The following LAMTOR3 variants were observed in gnomAD, a reference collection of about 807,000 sequenced individuals.
LAMTOR3 encodes ragulator complex protein LAMTOR3.
A neutral mutation model predicts 20.3 loss-of-function variants in LAMTOR3; 14 were observed. The observed-to-expected ratio is 0.69, with a 90% CI of 0.46 to 1.08. The LOEUF (loss-of-function observed/expected upper bound fraction) is 1.08. LAMTOR3 is among the 50% of genes least tolerant of loss of function. The pLI, the probability that LAMTOR3 is intolerant of heterozygous loss-of-function variation, is 0.00. For missense variants in LAMTOR3, 125 were observed against 143.7 expected (o/e 0.87, Z 0.67); for synonymous variants, 40 against 49.4 (o/e 0.81, Z 0.80).
rs1413008104 is a variant in LAMTOR3 at position 99,881,311 on chromosome 4, T to C, written c.*683A>G. The C allele has an allele frequency of 6.6e-6, 1 of 152,224 alleles. No homozygotes were observed. Among genetic ancestry groups the C allele is most frequent in the East Asian group, 1.9e-4 (1 of 5,202 alleles). 9.4% of individuals were successfully genotyped at this position (152,224 alleles called of 1,614,324 possible). ...TTGGAAACAGAATAACGAATTGTAT[T>C]TAAATTTTATGAAGAACACACAAAC... On this transcript the variant is annotated 3_prime_UTR_variant, in exon 7 of 7. Transcript: ENST00000499666.
rs79553911 is a variant in LAMTOR3, at chr4:99,883,863, T to C, written c.301+199A>G. Among the ~76,000 whole-genome samples, 91 of 151,892 alleles carry C rather than the reference T, an allele frequency of 6.0e-4. No homozygotes were observed. In the East Asian group the frequency reaches 8.5e-3, roughly 14 times the overall value. ...ATTGTAAGATGGAGAAAGCATATAT[T>C]ATCTCCATTATACAGATATGGAAAC... On this transcript the variant is annotated intron_variant, in intron 6 of 6. Coordinates refer to ENST00000499666, the MANE Select transcript of LAMTOR3 (RefSeq NM_021970.4).
chr4:99,892,162 C>G (rs542236608), intron 2 of LAMTOR3, 128 bp from the exon 3 acceptor site: 936 of 1,385,660 alleles, frequency 6.8e-4, no homozygotes, highest in Non-Finnish European at 8.2e-4. Flanking sequence ...TTTTATCTTT[C>G]TCTGTCTGAT....
chr4:99,884,115 A>T lies in LAMTOR3; in HGVS notation c.248T>A (p.Phe83Tyr). ...ACTCACCACCAAAGGTAAACGATTA[A>T]ATTGAACCACCTAAAAAGAAAATAA... Reference protein sequence around the residue: ...CYYNTYQVVQFNRLPLVVSFI... With the variant: ...CYYNTYQVVQYNRLPLVVSFI... Residue 83 changes from phenylalanine (F) to tyrosine (Y), a missense_variant, in exon 6 of 7, where the codon TTT becomes TAT. Physicochemically the swap from Phe to Tyr is conservative, Grantham distance 22. Coordinates refer to ENST00000499666, the MANE Select transcript of LAMTOR3 (RefSeq NM_021970.4). 1 of 1,612,064 alleles carries T rather than the reference A, an allele frequency of 6.2e-7. No individual in the cohort carries two copies. Among genetic ancestry groups the T allele is most frequent in the African/African-American group, 1.3e-5 (1 of 74,978 alleles).
chr4:99,890,859 T>C (rs1725009325), intron 3 of LAMTOR3, among the ~76,000 whole-genome samples: 1 of 152,234 alleles, frequency 6.6e-6, no homozygotes, highest in Non-Finnish European at 1.5e-5. Flanking sequence ...TAAATACTTT[T>C]GGTATTATTC....
Position 99,881,341 on chromosome 4 carries a change from A to C in LAMTOR3, c.*653T>G, listed in dbSNP as rs955803233. On this transcript the variant is annotated 3_prime_UTR_variant, in exon 7 of 7. Coordinates refer to ENST00000499666, the MANE Select transcript of LAMTOR3 (RefSeq NM_021970.4). Reference sequence around the variant, plus strand: ...TTTTATGAAGAACACACAAACATTAAAACACTGATTGGTTACAGAAAGCAG... The same window carrying C: ...TTTTATGAAGAACACACAAACATTACAACACTGATTGGTTACAGAAAGCAG... 7.9e-5 allele frequency: 12 copies of C among 152,230 alleles called. No homozygotes were observed. Among genetic ancestry groups the C allele is most frequent in the African/African-American group, 2.9e-4 (12 of 41,454 alleles). 9.4% of individuals were successfully genotyped at this position (152,230 alleles called of 1,614,324 possible). A position where few individuals can be genotyped will look rare whatever the true frequency, so the allele number is the denominator to read the frequency against.
chr4:99,888,108 C>T (rs911640939), intron 3 of LAMTOR3, among the ~76,000 whole-genome samples: 1 of 152,216 alleles, frequency 6.6e-6, no homozygotes, highest in Non-Finnish European at 1.5e-5. Flanking sequence ...GCAGAACGGT[C>T]AAGCTATAGC....
rs193140284 is a variant in LAMTOR3, at chr4:99,882,674, T to C, written c.302-607A>G. 5.4e-3 allele frequency among the ~76,000 whole-genome samples: 823 copies of C among 152,160 alleles called. 6 individuals carry two copies. The highest frequency in any genetic ancestry group is 8.2e-3 in the Non-Finnish European group (557 of 67,886). On this transcript the variant is annotated intron_variant, in intron 6 of 6. Transcript: ENST00000499666. The stretch of plus-strand genomic sequence containing the variant: ...ACTAAATAAAGCATACTTTTGTCTC[T>C]AAGCAAATTTTAACAGATTATATCA...
At chr4:99,891,666 G>C (rs538388053) in intron 3 of LAMTOR3, among the ~76,000 whole-genome samples, 1 of 152,092 alleles carries the variant, frequency 6.6e-6, no homozygotes, top group Non-Finnish European at 1.5e-5. Context: ...ACGAAATACA[G>C]CAAAGAAATG....
intron 3 of LAMTOR3, among the ~76,000 whole-genome samples, chr4:99,891,144 T>A (rs1725014730): frequency 6.6e-6 from 1 of 152,172 alleles, no homozygotes; most frequent in Non-Finnish European, 1.5e-5. Context: ...GGACTGTAAA[T>A]CACTAAGACT....
chr4:99,881,700 A>T lies in LAMTOR3; in HGVS notation c.*294T>A, dbSNP rs1724830259. 1 of 314,264 alleles carries T rather than the reference A, an allele frequency of 3.2e-6. No homozygotes were observed. Among genetic ancestry groups the T allele is most frequent in the Non-Finnish European group, 5.8e-6 (1 of 171,624 alleles). 19.5% of individuals were successfully genotyped at this position (314,264 alleles called of 1,614,324 possible). ...GTACCAGTTTGATTCTGATCCACTG[A>T]ATAGAATCTCTCATCCATATCTGGT... On this transcript the variant is annotated 3_prime_UTR_variant, in exon 7 of 7. Transcript: ENST00000499666.
chr4:99,889,224 T>C (rs1383124238), intron 3 of LAMTOR3, among the ~76,000 whole-genome samples: 1 of 152,082 alleles, frequency 6.6e-6, no homozygotes, highest in Non-Finnish European at 1.5e-5. Context: ...GATTAATACA[T>C]AAAATAAATA....
intron 5 of LAMTOR3, among the ~76,000 whole-genome samples, chr4:99,884,674 T>C (rs1246968573): frequency 6.6e-6 from 1 of 152,100 alleles, no homozygotes; most frequent in Non-Finnish European, 1.5e-5. Context: ...ACTTTTAAAA[T>C]AAAAGATGGG....
At chr4:99,884,860 G>A (rs1340777400) in intron 5 of LAMTOR3, among the ~76,000 whole-genome samples, 1 of 152,060 alleles carries the variant, frequency 6.6e-6, no homozygotes. Context: ...AGCTACTTGG[G>A]AGGCTGAGGC....
At chr4:99,887,957 G>C (rs1183845124) in intron 3 of LAMTOR3, among the ~76,000 whole-genome samples, 1 of 152,206 alleles carries the variant, frequency 6.6e-6, no homozygotes, top group Non-Finnish European at 1.5e-5. Flanking sequence ...AGGCTTTCCT[G>C]GAGGCAGTAA....
At chr4:99,882,175 A>C in intron 6 of LAMTOR3, 108 bp from the exon 7 acceptor site, 1 of 668,110 alleles carries the variant, frequency 1.5e-6, no homozygotes, top group South Asian at 1.9e-5. Context: ...GTAAATCAGA[A>C]CATAGTTTAT....
At chr4:99,886,370 T>C (rs1033311387) in intron 4 of LAMTOR3, among the ~76,000 whole-genome samples, 1 of 152,234 alleles carries the variant, frequency 6.6e-6, no homozygotes, top group Admixed American at 6.5e-5. Flanking sequence ...TACTGACTCA[T>C]GTCCGACTTT....
intron 3 of LAMTOR3, among the ~76,000 whole-genome samples, chr4:99,891,435 T>C (rs1276233227): frequency 6.6e-6 from 1 of 152,214 alleles, no homozygotes; most frequent in African/African-American, 2.4e-5. Context: ...AGTCCACAAA[T>C]CACTACATAA....
intron 2 of LAMTOR3, among the ~76,000 whole-genome samples, chr4:99,893,733 C>T (rs1453182261): frequency 2.0e-5 from 3 of 152,142 alleles, no homozygotes; most frequent in Non-Finnish European, 1.5e-5. Flanking sequence ...GTCTCAAGCA[C>T]CTTAGTGTCC....
At chr4:99,886,466 A>G (rs925126416) in intron 4 of LAMTOR3, among the ~76,000 whole-genome samples, 2 of 152,238 alleles carry the variant, frequency 1.3e-5, no homozygotes, top group African/African-American at 4.8e-5. Context: ...AAATGGAATC[A>G]ATGTGTATTA....
Sources: allele counts gnomAD v4.1 joint callset (sites outside exome capture counted in the v4.1 genomes callset), GRCh38; gene constraint gnomAD v4.1.1; transcripts MANE v1.5; gene names NCBI Gene and HGNC (gene_info 2026-07-23, HGNC 2026-07-21).